The following POLN variants were observed in gnomAD, a reference collection of about 807,000 sequenced individuals.
The protein encoded by POLN is DNA polymerase N.
A neutral mutation model predicts 113.5 loss-of-function variants in POLN; 108 were observed. That is an observed-to-expected ratio of 0.95 (90% CI 0.81 to 1.12). The LOEUF is 1.12. Among genes scored for constraint, POLN ranks in the 50% most tolerant of loss-of-function variants. POLN has a pLI of 0.00. For missense variants in POLN, 1,097 were observed against 1,077.1 expected (o/e 1.02, Z -0.26); for synonymous variants, 386 against 391.5 (o/e 0.99, Z 0.17).
intron 19 of POLN, among the ~76,000 whole-genome samples, chr4:2,098,901 C>T (rs930385468): frequency 7.4e-6 from 1 of 134,790 alleles, no homozygotes; most frequent in African/African-American, 2.7e-5. Context: ...AATGTGTGTG[C>T]ACATGCACGT....
rs1481004626 is a variant in POLN, at chr4:2,184,897, G to T, written c.1022-5432C>A. Among the ~76,000 whole-genome samples the T allele has an allele frequency of 2.6e-5, 4 of 152,080 alleles. No individual in the cohort carries two copies. The East Asian group carries it at 7.7e-4, about 29-fold the overall frequency. Reference sequence around the variant, plus strand: ...TCATAATGATACTAAAATGAAAAAGGCTTTTTTTGATCACCTTTTGGTGAT... The same window carrying T: ...TCATAATGATACTAAAATGAAAAAGTCTTTTTTTGATCACCTTTTGGTGAT... On this transcript the variant is annotated intron_variant, in intron 7 of 25. Coordinates refer to ENST00000511885, the MANE Select transcript of POLN (RefSeq NM_181808.4).
At chr4:2,132,832 A>G (rs1731759166) in intron 16 of POLN, among the ~76,000 whole-genome samples, 1 of 152,228 alleles carries the variant, frequency 6.6e-6, no homozygotes, top group Non-Finnish European at 1.5e-5. Flanking sequence ...AAGAAATGCT[A>G]CAGGAAATTC....
chr4:2,215,416 A>C (rs1387075903), intron 3 of POLN, among the ~76,000 whole-genome samples: 3 of 152,212 alleles, frequency 2.0e-5, no homozygotes, highest in Non-Finnish European at 4.4e-5. Context: ...TTGGAGAGTG[A>C]AGGAAGCAGA....
intron 3 of POLN, among the ~76,000 whole-genome samples, chr4:2,224,972 C>T (rs1288684884): frequency 6.6e-6 from 1 of 151,766 alleles, no homozygotes; most frequent in African/African-American, 2.4e-5. Flanking sequence ...AAATGTAATG[C>T]ATTGTGCTAT....
chr4:2,110,128 C>A (rs568272590), intron 19 of POLN, among the ~76,000 whole-genome samples: 1 of 152,192 alleles, frequency 6.6e-6, no homozygotes, highest in African/African-American at 2.4e-5. Context: ...ACAACCTGCT[C>A]CTGAATGACT....
intron 13 of POLN, among the ~76,000 whole-genome samples, chr4:2,163,428 G>A (rs948337230): frequency 6.6e-6 from 1 of 152,196 alleles, no homozygotes; most frequent in African/African-American, 2.4e-5. Context: ...CGCACTAACC[G>A]TGTACAGAGC....
At chr4:2,107,484 G>A (rs938947194) in intron 19 of POLN, among the ~76,000 whole-genome samples, 1 of 152,200 alleles carries the variant, frequency 6.6e-6, no homozygotes, top group Non-Finnish European at 1.5e-5. Flanking sequence ...GGCTTGGAGG[G>A]GTTGCATGAG....
intron 23 of POLN, chr4:2,080,166 C>T (rs957170722): frequency 4.4e-5 from 43 of 986,146 alleles, no homozygotes; most frequent in South Asian, 9.4e-5. Flanking sequence ...GAGGGGATCC[C>T]GCACAAGGAG....
chr4:2,234,938 T>C (rs1245888307), intron 2 of POLN, among the ~76,000 whole-genome samples: 1 of 152,198 alleles, frequency 6.6e-6, no homozygotes, highest in Non-Finnish European at 1.5e-5. Flanking sequence ...CAGGCTGGAG[T>C]GCAGTGGCGC....
chr4:2,239,142 G>T, intron 2 of POLN: 1 of 586,344 alleles, frequency 1.7e-6, no homozygotes, highest in Non-Finnish European at 2.8e-6. Context: ...CAGATAATAA[G>T]CTCAATGAAT....
rs74821392 is a variant in POLN, at chr4:2,116,054, G to C, written c.1982+12059C>G. ...ATTTTTTTCCCTTCCAAAAGGCCTG[G>C]AGGAGTTTCTCCTGGTTTTTCTGCC... On this transcript the variant is annotated intron_variant, in intron 19 of 25. Coordinates refer to ENST00000511885, the MANE Select transcript of POLN (RefSeq NM_181808.4). 4.6e-4 allele frequency among the ~76,000 whole-genome samples: 70 copies of C among 152,270 alleles called. 2 individuals carry two copies. The East Asian group carries it at 0.011, about 23-fold the overall frequency.
At chr4:2,162,739 G>A (rs1046121158) in intron 13 of POLN, among the ~76,000 whole-genome samples, 7 of 151,750 alleles carry the variant, frequency 4.6e-5, no homozygotes, top group South Asian at 4.2e-4. Context: ...TTACAGGCAT[G>A]AGCCACCATG....
chr4:2,128,208 C>A lies in POLN; in HGVS notation c.1887G>T (p.Leu629Phe). The A allele has an allele frequency of 6.2e-7, 1 of 1,608,046 alleles. No individual in the cohort carries two copies. Among genetic ancestry groups the A allele is most frequent in the Non-Finnish European group, 8.5e-7 (1 of 1,174,884 alleles). Residue 629 changes from leucine to phenylalanine, a missense_variant, in exon 19 of 26, where the codon TTG (leucine) becomes TTT (phenylalanine). Leu to Phe is a conservative substitution (Grantham distance 22). Transcript: ENST00000511885. ...CTCCAGATAAATGTGTAAGAATGCG[C>A]AATTCAATCTGTGAAAAGTCTGTGA... is the stretch of plus-strand genomic sequence containing the variant. ...FLAADFSQIE[L>F]RILTHLSGDP...
rs552126340 is a variant in POLN at position 2,126,151 on chromosome 4, C to A, written c.1982+1962G>T. Among the ~76,000 whole-genome samples the A allele has an allele frequency of 6.6e-6, 1 of 152,212 alleles. No homozygotes were observed. The highest frequency in any genetic ancestry group is 6.5e-5 in the Admixed American group (1 of 15,282). ...ATGTGCTGTGCTCGTCACATCGACC[C>A]GGTACAGTGCCTCTTCCTGTGCTGG... On this transcript the variant is annotated intron_variant, in intron 19 of 25. Coordinates refer to ENST00000511885, the MANE Select transcript of POLN (RefSeq NM_181808.4). This position sits in a 1 kb window ranked among gnomAD's most constrained non-coding sequence, Gnocchi z 4.6.
intron 12 of POLN, 122 bp from the exon 13 acceptor site, chr4:2,170,896 C>CT (rs1732844500): frequency 2.1e-6 from 2 of 963,860 alleles, no homozygotes; most frequent in Non-Finnish European, 3.2e-6. Context: ...TTACAACATG[C>CT]TTAAATTCTC....
In POLN at chr4:2,091,186, C is replaced by T. The variant is rs193132372; in HGVS notation, c.2065+4665G>A. On this transcript the variant is annotated intron_variant, in intron 20 of 25. Transcript: ENST00000511885. The stretch of plus-strand genomic sequence containing the variant: ...CATTTTCCACAGTTTATAGTTGATC[C>T]CTGTGTGAGGGCTGCTCCAATGGGA... Among the ~76,000 whole-genome samples, 349 of 152,254 alleles carry T rather than the reference C, an allele frequency of 2.3e-3. 2 individuals carry two copies. The highest frequency in any genetic ancestry group is 2.2e-3 in the Non-Finnish European group (149 of 68,014).
chr4:2,135,572 C>T (rs1249236861), intron 16 of POLN, among the ~76,000 whole-genome samples: 2 of 152,208 alleles, frequency 1.3e-5, no homozygotes, highest in South Asian at 2.1e-4. Context: ...CAGGTGTCTA[C>T]GTGAGCAATT....
chr4:2,145,708 T>C (rs561440409), intron 16 of POLN, among the ~76,000 whole-genome samples: 218 of 152,250 alleles, frequency 1.4e-3, no homozygotes, highest in Admixed American at 2.9e-3. Flanking sequence ...AGAACATGAG[T>C]CAGTCCACTC....
chr4:2,153,309 G>A (rs1441568312), intron 16 of POLN, among the ~76,000 whole-genome samples: 1 of 152,182 alleles, frequency 6.6e-6, no homozygotes, highest in Non-Finnish European at 1.5e-5. Context: ...GGATATACAA[G>A]CTCTAGGCTG....
Sources: allele counts gnomAD v4.1 joint callset (sites outside exome capture counted in the v4.1 genomes callset), GRCh38; gene constraint gnomAD v4.1.1; non-coding constraint Gnocchi (gnomAD v3.1); transcripts MANE v1.5; gene names NCBI Gene and HGNC (gene_info 2026-07-23, HGNC 2026-07-21).